Variants in CIT observed in about 807,000 individuals in gnomAD.
The protein encoded by CIT is citron rho-interacting serine/threonine kinase, also known as citron Rho-interacting kinase.
CIT carries 79 observed loss-of-function variants against 272.7 expected under a neutral mutation model. The ratio of observed to expected loss-of-function variants is 0.29; its 90% CI spans 0.24 to 0.35. The LOEUF (loss-of-function observed/expected upper bound fraction) is 0.35, where lower values mean the gene tolerates loss of function less well. Among genes scored for constraint, CIT ranks in the 10% least tolerant of loss-of-function variants. CIT has a pLI of 1.00. For missense variants in CIT, 1,909 were observed against 2,618.3 expected (o/e 0.73, Z 5.91); for synonymous variants, 948 against 995.6 (o/e 0.95, Z 0.90).
At chr12:119,826,278 C>A (rs1357622003) in intron 7 of CIT, among the ~76,000 whole-genome samples, 1 of 152,114 alleles carries the variant, frequency 6.6e-6, no homozygotes. Context: ...GTTCCCTCCC[C>A]CACCGTTCAG....
chr12:119,775,763 C>G (rs754099096), intron 16 of CIT, 23 bp downstream of exon 16: 1 of 1,605,844 alleles, frequency 6.2e-7, no homozygotes, highest in Non-Finnish European at 8.5e-7. Flanking sequence ...GGGTAAGTTC[C>G]TGAAAAATCA....
chr12:119,780,598 C>G (rs994534856), intron 13 of CIT, among the ~76,000 whole-genome samples: 7 of 152,132 alleles, frequency 4.6e-5, no homozygotes, highest in Non-Finnish European at 1.0e-4. Flanking sequence ...GCCTGGGTGA[C>G]AGAGCGAGAC....
intron 24 of CIT, among the ~76,000 whole-genome samples, chr12:119,742,086 T>C (rs570021373): frequency 3.9e-5 from 6 of 152,284 alleles, no homozygotes; most frequent in African/African-American, 1.4e-4. Flanking sequence ...CCTTCTACAT[T>C]GGGACAGGAG....
intron 10 of CIT, among the ~76,000 whole-genome samples, chr12:119,793,293 C>CT (rs201971049): frequency 0.02 from 3,023 of 152,242 alleles, 56 homozygotes; most frequent in South Asian, 0.047. Flanking sequence ...AAAAGAATAG[C>CT]TAGTCCCATG....
intron 3 of CIT, among the ~76,000 whole-genome samples, chr12:119,862,839 A>G (rs2032712528): frequency 7.5e-6 from 1 of 134,186 alleles, no homozygotes; most frequent in African/African-American, 3.2e-5. Flanking sequence ...AAAAAAAAAA[A>G]AGAAAAAACC....
intron 17 of CIT, among the ~76,000 whole-genome samples, chr12:119,772,179 G>C (rs927402457): frequency 1.3e-5 from 2 of 152,034 alleles, no homozygotes; most frequent in African/African-American, 4.8e-5. Context: ...AAACACCAAG[G>C]GGCAGAGGAG....
Position 119,728,469 on chromosome 12 carries a change from A to G in CIT, c.3591+33T>C. ...GCCTATTAAAAGAAAAAAAAAATCC[A>G]CTTGGCCCTTCTCCCAGGTATTTCA... On this transcript the variant is annotated intron_variant, in intron 28 of 47. Transcript: ENST00000392521. This position sits in a 1 kb window ranked among gnomAD's most constrained non-coding sequence, Gnocchi z 4.3. 2.1e-6 allele frequency: 3 copies of G among 1,413,510 alleles called. No homozygotes were observed. In the South Asian group the frequency reaches 3.7e-5, roughly 17 times the overall value. 87.6% of individuals were successfully genotyped at this position (1,413,510 alleles called of 1,614,324 possible). A position where few individuals can be genotyped will look rare whatever the true frequency, so the allele number is the denominator to read the frequency against.
intron 32 of CIT, among the ~76,000 whole-genome samples, chr12:119,714,557 A>C (rs1957345395): frequency 6.6e-6 from 1 of 152,230 alleles, no homozygotes; most frequent in Non-Finnish European, 1.5e-5. Flanking sequence ...GAAGAGGATA[A>C]ATGGCCAACG....
At chr12:119,839,089 C>T (rs1262929805) in intron 5 of CIT, among the ~76,000 whole-genome samples, 1 of 152,176 alleles carries the variant, frequency 6.6e-6, no homozygotes, top group African/African-American at 2.4e-5. Flanking sequence ...GCTGCAGATG[C>T]TAATTAAAGG....
intron 8 of CIT, 136 bp downstream of exon 8, chr12:119,825,029 T>C (rs1372685268): frequency 1.7e-5 from 11 of 645,744 alleles, no homozygotes; most frequent in East Asian, 1.4e-4. Context: ...CTCGATCTCC[T>C]GACCTCGTGA....
chr12:119,792,532 C>T (rs984084341), intron 10 of CIT, among the ~76,000 whole-genome samples: 6 of 151,962 alleles, frequency 3.9e-5, no homozygotes, highest in Non-Finnish European at 4.4e-5. Flanking sequence ...TGCAGTGGTG[C>T]GATCTCGGCT....
Position 119,718,437 on chromosome 12 carries a change from T to C in CIT, c.4004-28A>G. 6.3e-7 allele frequency: 1 copy of C among 1,585,384 alleles called. No homozygotes were observed. The highest frequency in any genetic ancestry group is 2.2e-5 in the East Asian group (1 of 44,446). ...GCAGAGAGACCAGGACAATGCCTTTTGGTTAGCTGGGTCGCCTAGAGGACC... is the reference window on the plus strand; with the variant it reads ...GCAGAGAGACCAGGACAATGCCTTTCGGTTAGCTGGGTCGCCTAGAGGACC... On this transcript the variant is annotated intron_variant, in intron 31 of 47. Coordinates refer to ENST00000392521, the MANE Select transcript of CIT (RefSeq NM_001206999.2). The surrounding 1 kb of genome is among the most constrained non-coding windows in gnomAD (Gnocchi z 4.8).
At chr12:119,734,950 C>T (rs912340407) in intron 25 of CIT, among the ~76,000 whole-genome samples, 16 of 151,950 alleles carry the variant, frequency 1.1e-4, no homozygotes, top group African/African-American at 3.1e-4. Context: ...CACACTGGCC[C>T]TATTTTTTAA....
chr12:119,828,782 G>A (rs956973828), intron 7 of CIT, among the ~76,000 whole-genome samples: 1 of 151,918 alleles, frequency 6.6e-6, no homozygotes, highest in Non-Finnish European at 1.5e-5. Flanking sequence ...TGGCCAGGCT[G>A]GTCTCAAACT....
intron 12 of CIT, 197 bp downstream of exon 12, chr12:119,783,711 G>A (rs2137702052): frequency 1.8e-6 from 1 of 564,370 alleles, no homozygotes; most frequent in African/African-American, 1.9e-5. Flanking sequence ...CTGGAAATGA[G>A]TCCAATCTCA....
intron 7 of CIT, among the ~76,000 whole-genome samples, chr12:119,826,994 T>C (rs1004511631): frequency 1.3e-5 from 2 of 152,168 alleles, no homozygotes; most frequent in South Asian, 2.1e-4. Flanking sequence ...TCTCGTTATA[T>C]GAAACAGACC....
intron 9 of CIT, among the ~76,000 whole-genome samples, chr12:119,806,498 C>T (rs1305913072): frequency 6.6e-6 from 1 of 152,092 alleles, no homozygotes; most frequent in East Asian, 1.9e-4. Flanking sequence ...TGTTACAATT[C>T]AAGAAATTAA....
At chr12:119,854,645 C>T (rs1044545665) in intron 4 of CIT, among the ~76,000 whole-genome samples, 2 of 151,366 alleles carry the variant, frequency 1.3e-5, no homozygotes, top group African/African-American at 4.9e-5. Flanking sequence ...AAAAATAAAA[C>T]AATGTTTTTA....
At chr12:119,795,721 T>C (rs1366354434) in intron 10 of CIT, among the ~76,000 whole-genome samples, 3 of 152,216 alleles carry the variant, frequency 2.0e-5, no homozygotes, top group Non-Finnish European at 2.9e-5. Flanking sequence ...CTTAGATGTG[T>C]TTCTACCTTC....
Sources: gnomAD v4.1 joint callset for allele counts (sites outside exome capture counted in the v4.1 genomes callset) on GRCh38, gnomAD v4.1.1 for gene constraint, Gnocchi (gnomAD v3.1) non-coding constraint, MANE v1.5 for transcripts, NCBI Gene and HGNC (gene_info 2026-07-23, HGNC 2026-07-21) for gene names.